The following NR4A1 variants were observed in gnomAD, a reference collection of about 807,000 sequenced individuals.
NR4A1 encodes the protein nuclear receptor subfamily 4 group A member 1.
Under a neutral mutation model 47.5 loss-of-function variants are expected in NR4A1, and 24 were observed. That is an observed-to-expected ratio of 0.50 (90% CI 0.37 to 0.71). The LOEUF (loss-of-function observed/expected upper bound fraction) is 0.71, where lower values mean the gene tolerates loss of function less well. Among genes scored for constraint, NR4A1 ranks in the 30% least tolerant of loss-of-function variants. NR4A1 has a pLI of 0.00. For missense variants in NR4A1, 669 were observed against 788.6 expected (o/e 0.85, Z 1.82); for synonymous variants, 353 against 345.7 (o/e 1.02, Z -0.24).
At chr12:52,034,614 G>A (rs141508869) in intron 1 of NR4A1, among the ~76,000 whole-genome samples, 66 of 152,314 alleles carry the variant, frequency 4.3e-4, no homozygotes, top group African/African-American at 1.5e-3. Context: ...GAAGACCAGG[G>A]CTATGGAGAC....
intron 1 of NR4A1, chr12:52,053,568 A>ACCAATGAGGAGGCCTAGGTTC (rs1555168895): frequency 2.6e-5 from 4 of 151,830 alleles, no homozygotes; most frequent in African/African-American, 9.7e-5. Flanking sequence ...GAGCCAGGTT[A>ACCAATGAGGAGGCCTAGGTTC]CCGATGAGGA....
chr12:52,040,182 C>T (rs1938381186), intron 1 of NR4A1, among the ~76,000 whole-genome samples: 3 of 152,144 alleles, frequency 2.0e-5, no homozygotes, highest in South Asian at 2.1e-4. Context: ...GCCTGGCTCC[C>T]GGGGGTCCTC....
In NR4A1 at chr12:52,054,566, T is replaced by C. The variant is rs1446164880; in HGVS notation, c.238T>C (p.Ser80Pro). Reference protein sequence around the residue: ...QLPGTVQPCSSASSSASSTSS... With the variant: ...QLPGTVQPCSPASSSASSTSS... Reference sequence around the variant, plus strand: ...GCCAGGAACAGTCCAGCCATGCTCCTCAGCCTCCTCCTCGGCCTCCTCCAC... The same window carrying C: ...GCCAGGAACAGTCCAGCCATGCTCCCCAGCCTCCTCCTCGGCCTCCTCCAC... Residue 80 changes from serine (S) to proline (P), a missense_variant, in exon 2 of 7, where the codon TCA becomes CCA. Transcript: ENST00000394825. The C allele has an allele frequency of 6.2e-7, 1 of 1,613,996 alleles. No individual in the cohort carries two copies. Among genetic ancestry groups the C allele is most frequent in the Non-Finnish European group, 8.5e-7 (1 of 1,180,006 alleles).
At chr12:52,043,632 G>T in intron 2 of NR4A1, 1 of 1,157,666 alleles carries the variant, frequency 8.6e-7, no homozygotes, top group Non-Finnish European at 1.1e-6. Context: ...GTCCAGTCAA[G>T]AGGGCCCAAA....
intron 1 of NR4A1, among the ~76,000 whole-genome samples, chr12:52,031,006 G>A (rs940542991): frequency 2.6e-5 from 4 of 151,648 alleles, no homozygotes; most frequent in African/African-American, 9.7e-5. Flanking sequence ...ACTCTCCACC[G>A]ACAAACTCCC....
chr12:52,037,210 A>C, intron 1 of NR4A1: 1 of 222,682 alleles, frequency 4.5e-6, no homozygotes, highest in Non-Finnish European at 7.3e-6. Flanking sequence ...GCGCGGCCGG[A>C]ACTGCGGGCG....
chr12:52,025,385 A>G (rs933521020), intron 1 of NR4A1, among the ~76,000 whole-genome samples: 3 of 151,892 alleles, frequency 2.0e-5, no homozygotes, highest in African/African-American at 7.3e-5. Flanking sequence ...CCTCAACCAC[A>G]TGGGCCTCAC....
In NR4A1 at chr12:52,057,384, G is replaced by A. The variant is rs1188279272; in HGVS notation, c.1394G>A (p.Cys465Tyr). 6.2e-7 allele frequency: 1 copy of A among 1,614,222 alleles called. No homozygotes were observed. Among genetic ancestry groups the A allele is most frequent in the South Asian group, 1.1e-5 (1 of 91,088 alleles). The change falls in exon 6 of 7, where the codon TGC (cysteine) becomes TAC (tyrosine). Residue 465 changes from cysteine to tyrosine, a missense_variant. Coordinates refer to ENST00000394825, the MANE Select transcript of NR4A1 (RefSeq NM_173157.3). ...SKPGEGKLIF[C>Y]SGLVLHRLQC... ...CCAGGCGAGGGCAAGCTCATCTTCT[G>A]CTCAGGCCTGGTGCTACACCGGCTG...
At chr12:52,028,491 T>C (rs1239485448) in intron 1 of NR4A1, among the ~76,000 whole-genome samples, 2 of 151,880 alleles carry the variant, frequency 1.3e-5, no homozygotes, top group Non-Finnish European at 2.9e-5. Context: ...GGAGACTTGC[T>C]TGAACCCAGG....
intron 1 of NR4A1, among the ~76,000 whole-genome samples, chr12:52,036,825 T>C (rs1373397762): frequency 1.3e-5 from 2 of 152,174 alleles, no homozygotes; most frequent in Non-Finnish European, 1.5e-5. Flanking sequence ...CCACCGAGTC[T>C]CTCTGGGCCT....
rs1347905661 is a variant in NR4A1, at chr12:52,051,543, G to A, written c.-28G>A. ...AGGCTGAGACTCGGGGCGCCAGTCC[G>A]GGCAGGGGCAGCGGGAGCCGGCCGG... On this transcript the variant is annotated 5_prime_UTR_variant, in exon 1 of 7. Transcript: ENST00000394825. The A allele has an allele frequency of 1.9e-5, 19 of 985,928 alleles. No individual in the cohort carries two copies. The highest frequency in any genetic ancestry group is 2.2e-5 in the Non-Finnish European group (18 of 830,382). The allele number at this position is 985,928 out of a possible 1,614,324, so 61.1% of individuals were successfully genotyped here. A position where few individuals can be genotyped will look rare whatever the true frequency, so the allele number is the denominator to read the frequency against.
chr12:52,034,996 A>G (rs978279089), intron 1 of NR4A1, among the ~76,000 whole-genome samples: 1 of 152,196 alleles, frequency 6.6e-6, no homozygotes, highest in Non-Finnish European at 1.5e-5. Context: ...AGGTGAGGAA[A>G]CTGAAGCCCA....
upstream of NR4A1, among the ~76,000 whole-genome samples, chr12:52,050,748 C>A (rs1303202929): frequency 1.3e-5 from 2 of 152,178 alleles, no homozygotes; most frequent in African/African-American, 4.8e-5. Context: ...AGCCTCTCAG[C>A]CTGAGACCCT....
At chr12:52,051,217 G>C (rs1938912931), upstream of NR4A1, among the ~76,000 whole-genome samples, 1 of 152,200 alleles carries the variant, frequency 6.6e-6, no homozygotes, top group Non-Finnish European at 1.5e-5. Context: ...TGCGTCAATG[G>C]AACCCCGCGT....
chr12:52,048,486 C>G (rs1037656686), upstream of NR4A1, among the ~76,000 whole-genome samples: 11 of 151,958 alleles, frequency 7.2e-5, no homozygotes, highest in African/African-American at 2.7e-4. Context: ...CCCAGTGACT[C>G]GGGAGGCTGA....
rs540088453 is a variant in NR4A1, at chr12:52,043,725, C to T, written c.37+1796C>T. The T allele has an allele frequency of 2.4e-4, 312 of 1,277,898 alleles. No individual in the cohort carries two copies. The African/African-American group carries it at 4.5e-3, about 18-fold the overall frequency. The allele number at this position is 1,277,898 out of a possible 1,614,324, so 79.2% of individuals were successfully genotyped here. Reference sequence around the variant, plus strand: ...ACACGCCGGCTTGGAGGCAGCACCACATCCAGAGCTCGCTCAGCTGCTGCC... The same window carrying T: ...ACACGCCGGCTTGGAGGCAGCACCATATCCAGAGCTCGCTCAGCTGCTGCC... On this transcript the variant is annotated intron_variant, in intron 2 of 7. Transcript: ENST00000360284.
chr12:52,031,232 C>T (rs1240027940), intron 1 of NR4A1, among the ~76,000 whole-genome samples: 3 of 151,452 alleles, frequency 2.0e-5, no homozygotes, highest in Admixed American at 1.3e-4. Context: ...CCTTACGTTG[C>T]CCAGGCTGGT....
At chr12:52,042,066 C>A in intron 2 of NR4A1, 1 of 1,000,778 alleles carries the variant, frequency 1.0e-6, no homozygotes, top group Non-Finnish European at 1.3e-6. Flanking sequence ...AGCCGAGGTG[C>A]TGTTCAGTGT....
chr12:52,044,657 T>G (rs1938564963), intron 2 of NR4A1, among the ~76,000 whole-genome samples: 1 of 152,232 alleles, frequency 6.6e-6, no homozygotes, highest in Non-Finnish European at 1.5e-5. Context: ...CGGCTGGGAC[T>G]CGTTATCAGA....
Sources: allele counts gnomAD v4.1 joint callset (sites outside exome capture counted in the v4.1 genomes callset), GRCh38; gene constraint gnomAD v4.1.1; transcripts MANE v1.5; gene names NCBI Gene and HGNC (gene_info 2026-07-23, HGNC 2026-07-21).